PLEK2: variants seen among roughly 807,000 people sequenced by gnomAD.
The protein encoded by PLEK2 is pleckstrin 2.
In PLEK2, 29 loss-of-function variants were observed where a neutral mutation model predicts 43.8. The observed-to-expected ratio is 0.66, with a 90% CI of 0.49 to 0.90. PLEK2 has a LOEUF of 0.90. PLEK2 is among the 40% of genes least tolerant of loss of function. PLEK2 has a pLI of 0.00. For missense variants in PLEK2, 398 were observed against 448.1 expected (o/e 0.89, Z 1.01); for synonymous variants, 162 against 173.2 (o/e 0.94, Z 0.51).
chr14:67,397,912 A>G, intron 1 of PLEK2, 86 bp from the exon 2 acceptor site: 1 of 1,087,988 alleles, frequency 9.2e-7, no homozygotes, highest in Non-Finnish European at 1.3e-6. Flanking sequence ...GGCACAAGTA[A>G]CCAGACTGTG....
At chr14:67,396,746 G>A (rs1232023269) in intron 2 of PLEK2, among the ~76,000 whole-genome samples, 1 of 152,226 alleles carries the variant, frequency 6.6e-6, no homozygotes, top group African/African-American at 2.4e-5. Flanking sequence ...TTCCTCTTCA[G>A]GGATAAAGGG....
chr14:67,390,089 C>T (rs547055608), intron 7 of PLEK2, among the ~76,000 whole-genome samples: 3 of 152,114 alleles, frequency 2.0e-5, no homozygotes, highest in Non-Finnish European at 4.4e-5. Context: ...ACTAAAGGGC[C>T]CTTTTTCTTT....
intron 1 of PLEK2, among the ~76,000 whole-genome samples, chr14:67,407,179 T>C (rs2086084391): frequency 6.6e-6 from 1 of 152,094 alleles, no homozygotes; most frequent in Admixed American, 6.6e-5. Context: ...TAGAGTGCTG[T>C]GGTGCGATCT....
chr14:67,397,643 A>G lies in PLEK2; in HGVS notation c.207+19T>C, dbSNP rs377760581. 3 of 1,600,382 alleles carry G rather than the reference A, an allele frequency of 1.9e-6. No individual in the cohort carries two copies. In the African/African-American group the frequency reaches 4.0e-5, roughly 21 times the overall value. On this transcript the variant is annotated intron_variant, in intron 2 of 8. Transcript: ENST00000216446. ...GCTGTGGAACAGAGAGGAGCTGGAC[A>G]GCAGGGGCCATCACTTACCGGTCGG...
At chr14:67,395,876 C>T (rs2139857386) in intron 2 of PLEK2, among the ~76,000 whole-genome samples, 1 of 152,258 alleles carries the variant, frequency 6.6e-6, no homozygotes, top group East Asian at 1.9e-4. Flanking sequence ...TGAAGACTCA[C>T]CTCCTATGAC....
At chr14:67,403,573 T>C (rs1402293834) in intron 1 of PLEK2, among the ~76,000 whole-genome samples, 2 of 152,108 alleles carry the variant, frequency 1.3e-5, no homozygotes, top group Non-Finnish European at 2.9e-5. Flanking sequence ...GTCACTAAAG[T>C]GGAATGTGTT....
intron 1 of PLEK2, 93 bp downstream of exon 1, chr14:67,411,925 G>A (rs781006342): frequency 4.6e-5 from 55 of 1,185,196 alleles, no homozygotes; most frequent in Non-Finnish European, 6.3e-5. Context: ...ACCAGAGCAT[G>A]CCCGTTCCGG....
Position 67,397,725 on chromosome 14 carries a change from C to T in PLEK2, c.144G>A (p.Lys48=). The T allele has an allele frequency of 6.2e-7, 1 of 1,613,600 alleles. No individual in the cohort carries two copies. Among genetic ancestry groups the T allele is most frequent in the South Asian group, 1.1e-5 (1 of 90,882 alleles). ...TGCAGCCATCCAGGAGGATCCGGCC[C>T]TTGGGAGGGGTCACTCTCCGACCCC... ...LEGGRRVTPP[K]GRILLDGCTI... The change falls in exon 2 of 9, where the codon AAG becomes AAA. Residue 48 remains lysine (K), a synonymous_variant. Coordinates refer to ENST00000216446, the MANE Select transcript of PLEK2 (RefSeq NM_016445.3).
At chr14:67,387,855 TG>T (rs1443657040) in intron 8 of PLEK2, among the ~76,000 whole-genome samples, 3 of 152,172 alleles carry the variant, frequency 2.0e-5, no homozygotes, top group Non-Finnish European at 4.4e-5. Context: ...AGACACAAGA[TG>T]GGAATAATAT....
At chr14:67,392,885 T>C (rs762732869) in intron 4 of PLEK2, 36 bp from the exon 5 acceptor site, 1 of 1,542,126 alleles carries the variant, frequency 6.5e-7, no homozygotes, top group South Asian at 1.2e-5. Context: ...CGATGGGTGA[T>C]GGACCAGCGT....
At position 67,397,772 on chromosome 14, in the gene PLEK2, G is replaced by C. The variant is rs1705993670; in HGVS notation, c.97C>G (p.Leu33Val). The C allele has an allele frequency of 6.2e-7, 1 of 1,613,210 alleles. No individual in the cohort carries two copies. Among genetic ancestry groups the C allele is most frequent in the South Asian group, 1.1e-5 (1 of 90,788 alleles). ...CCCCCCTCAAGCTTGTAGTACACCA[G>C]CGTGTTCTGCCGAAGGATGAACCAT... is the stretch of plus-strand genomic sequence containing the variant. ...ARWFILRQNT[L>V]VYYKLEGGRR... The change falls in exon 2 of 9, where the codon CTG becomes GTG. Residue 33 changes from leucine (L) to valine (V), a missense_variant. Physicochemically the swap from Leu to Val is conservative, Grantham distance 32. Transcript: ENST00000216446.
Position 67,387,190 on chromosome 14 carries a change from G to GGAACTCTTGGCAGCATTCAC in PLEK2, c.*119_*138dup. The GGAACTCTTGGCAGCATTCAC allele has an allele frequency of 1.3e-6, 1 of 744,218 alleles. No individual in the cohort carries two copies. Among genetic ancestry groups the GGAACTCTTGGCAGCATTCAC allele is most frequent in the Non-Finnish European group, 2.1e-6 (1 of 478,342 alleles). The allele number at this position is 744,218 out of a possible 1,614,324, so 46.1% of individuals were successfully genotyped here. On this transcript the variant is annotated 3_prime_UTR_variant, in exon 9 of 9. Coordinates refer to ENST00000216446, the MANE Select transcript of PLEK2 (RefSeq NM_016445.3). ...GGCACCACTGCTGTTTGTAATCTGA[G>GGAACTCTTGGCAGCATTCAC]GAACTCTTGGCAGCATTCACTCTCC...
intron 1 of PLEK2, among the ~76,000 whole-genome samples, chr14:67,406,014 T>C (rs1431526795): frequency 2.0e-5 from 3 of 152,120 alleles, no homozygotes; most frequent in Admixed American, 1.3e-4. Flanking sequence ...TCCCAGCACT[T>C]TGGTAGGCTG....
intron 8 of PLEK2, 29 bp from the exon 9 acceptor site, chr14:67,387,485 A>G: frequency 1.9e-6 from 3 of 1,595,852 alleles, no homozygotes; most frequent in Non-Finnish European, 2.6e-6. Context: ...GAAAAAAATC[A>G]GTGATTGAAT....
Position 67,412,159 on chromosome 14 carries a change from A to G in PLEK2, c.-100T>C, listed in dbSNP as rs1471123668. On this transcript the variant is annotated 5_prime_UTR_variant, in exon 1 of 9. Coordinates refer to ENST00000216446, the MANE Select transcript of PLEK2 (RefSeq NM_016445.3). ...CGCGCAGTCCGCGCCCACGGCGCCC[A>G]GGAAGCAGCTCCGACGCGGCAGGGC... is the stretch of plus-strand genomic sequence containing the variant. 1 of 1,054,306 alleles carries G rather than the reference A, an allele frequency of 9.5e-7. No individual in the cohort carries two copies. 65.3% of individuals were successfully genotyped at this position (1,054,306 alleles called of 1,614,324 possible). A position where few individuals can be genotyped will look rare whatever the true frequency, so the allele number is the denominator to read the frequency against.
chr14:67,400,733 A>T (rs1265208798), intron 1 of PLEK2, among the ~76,000 whole-genome samples: 1 of 151,936 alleles, frequency 6.6e-6, no homozygotes, highest in African/African-American at 2.4e-5. Flanking sequence ...CACGCCTGTA[A>T]TCCCAGCACT....
At position 67,397,732 on chromosome 14, in the gene PLEK2, G is replaced by A. The variant is rs375438919; in HGVS notation, c.137C>T (p.Pro46Leu). Residue 46 changes from proline (P) to leucine (L), a missense_variant, in exon 2 of 9, where the codon CCT (proline) becomes CTT (leucine). Coordinates refer to ENST00000216446, the MANE Select transcript of PLEK2 (RefSeq NM_016445.3). ...ATCCAGGAGGATCCGGCCCTTGGGA[G>A]GGGTCACTCTCCGACCCCCCTCAAG... ...YKLEGGRRVT[P>L]PKGRILLDGC... The A allele has an allele frequency of 1.4e-5, 22 of 1,613,404 alleles. No individual in the cohort carries two copies. Among genetic ancestry groups the A allele is most frequent in the Non-Finnish European group, 1.9e-5 (22 of 1,179,702 alleles).
intron 7 of PLEK2, among the ~76,000 whole-genome samples, chr14:67,388,678 G>T (rs1245469613): frequency 1.3e-5 from 2 of 152,198 alleles, no homozygotes; most frequent in Non-Finnish European, 2.9e-5. Flanking sequence ...TATATTTATA[G>T]TAATCATTTC....
At chr14:67,409,171 A>C (rs183142381) in intron 1 of PLEK2, among the ~76,000 whole-genome samples, 1,985 of 152,116 alleles carry the variant, frequency 0.013, 19 homozygotes, top group Non-Finnish European at 0.018. Flanking sequence ...TGAGCCTGGG[A>C]GGTCAAGGCT....
Sources: allele counts gnomAD v4.1 joint callset (sites outside exome capture counted in the v4.1 genomes callset), GRCh38; gene constraint gnomAD v4.1.1; transcripts MANE v1.5; gene names NCBI Gene and HGNC (gene_info 2026-07-23, HGNC 2026-07-21).